Variants in FAT3 observed in about 807,000 individuals in gnomAD.
FAT3 encodes FAT atypical cadherin 3.
Under a neutral mutation model 310.2 loss-of-function variants are expected in FAT3, and 95 were observed. The ratio of observed to expected loss-of-function variants is 0.31; its 90% confidence interval spans 0.26 to 0.36. The LOEUF (loss-of-function observed/expected upper bound fraction) is 0.36, where lower values mean the gene tolerates loss of function less well. Ranked by LOEUF, FAT3 falls within the 10% of genes least tolerant of loss-of-function variation. FAT3 has a pLI of 1.00. For synonymous variants in FAT3, 2,314 were observed against 2,192.9 expected (o/e 1.06, Z -1.54); for missense variants, 5,408 against 5,715.6 (o/e 0.95, Z 1.74).
intron 1 of FAT3, among the ~76,000 whole-genome samples, chr11:92,340,506 A>C (rs1022731092): frequency 6.6e-6 from 1 of 152,148 alleles, no homozygotes; most frequent in African/African-American, 2.4e-5. Context: ...AACCGTCTGC[A>C]TTGGATTGCT....
intron 1 of FAT3, among the ~76,000 whole-genome samples, chr11:92,325,145 A>G (rs954157132): frequency 7.2e-5 from 11 of 152,214 alleles, no homozygotes; most frequent in Admixed American, 6.5e-5. Context: ...GAAGTCATTA[A>G]GGTACAATTA....
At chr11:92,471,897 G>T (rs1374553062) in intron 2 of FAT3, among the ~76,000 whole-genome samples, 2 of 136,098 alleles carry the variant, frequency 1.5e-5, no homozygotes, top group East Asian at 4.5e-4. Context: ...GTCTTCAAAA[G>T]ACCCTACTTT....
chr11:92,571,365 G>T (rs1955659007), intron 3 of FAT3, among the ~76,000 whole-genome samples: 1 of 152,126 alleles, frequency 6.6e-6, no homozygotes, highest in South Asian at 2.1e-4. Context: ...GGCAAAGGAT[G>T]CCTGCTGGCC....
chr11:92,661,463 C>A (rs1942779116), intron 3 of FAT3, among the ~76,000 whole-genome samples: 1 of 152,146 alleles, frequency 6.6e-6, no homozygotes. Context: ...CCAAGATCCA[C>A]ATCCTGCCTC....
chr11:92,706,906 G>C (rs1345195282), intron 4 of FAT3, among the ~76,000 whole-genome samples: 1 of 152,188 alleles, frequency 6.6e-6, no homozygotes, highest in Non-Finnish European at 1.5e-5. Context: ...TGTCCGCACA[G>C]GCATTTCTAT....
At chr11:92,389,457 G>T (rs1310067176) in intron 2 of FAT3, among the ~76,000 whole-genome samples, 29 of 152,110 alleles carry the variant, frequency 1.9e-4, no homozygotes, top group Admixed American at 1.9e-3. Context: ...CTTGTTTAAA[G>T]GTAAGAAAAT....
intron 1 of FAT3, among the ~76,000 whole-genome samples, chr11:92,261,543 A>G (rs1865554325): frequency 6.6e-6 from 1 of 152,116 alleles, no homozygotes; most frequent in Admixed American, 6.6e-5. Flanking sequence ...TTTCTTATAT[A>G]TAGAATTTCT....
chr11:92,718,077 C>T (rs975047022), intron 4 of FAT3, among the ~76,000 whole-genome samples: 5 of 152,038 alleles, frequency 3.3e-5, no homozygotes, highest in African/African-American at 1.2e-4. Flanking sequence ...GAAGTGATGC[C>T]GAACTTTCAG....
intron 3 of FAT3, among the ~76,000 whole-genome samples, chr11:92,526,368 A>G (rs1244734649): frequency 6.6e-6 from 1 of 152,174 alleles, no homozygotes; most frequent in Admixed American, 6.5e-5. Context: ...ACAATGTCAC[A>G]GTAAAGAAGT....
chr11:92,498,756 T>A (rs1952840979), intron 2 of FAT3: 1 of 152,520 alleles, frequency 6.6e-6, no homozygotes. Flanking sequence ...CTTGAAGCCA[T>A]CAGATACAAA....
chr11:92,554,233 C>T (rs909290183), intron 3 of FAT3, among the ~76,000 whole-genome samples: 4 of 147,290 alleles, frequency 2.7e-5, no homozygotes, highest in Admixed American at 6.7e-5. Context: ...GAGGCCGAGG[C>T]GGGCAGATCA....
In FAT3 at chr11:92,226,797, A is replaced by G. The variant is rs533536292; in HGVS notation, c.-18+1623A>G. Among the ~76,000 whole-genome samples, 441 of 152,148 alleles carry G rather than the reference A, an allele frequency of 2.9e-3. 1 individual carries two copies. The highest frequency in any genetic ancestry group is 1.9e-3 in the Non-Finnish European group (130 of 67,974). ...CCATCCCGCCGCCGCCGCGCGCCCA[A>G]TGGGACTCAGCTTCGGGTTTGGGCG... On this transcript the variant is annotated intron_variant, in intron 1 of 27. Coordinates refer to ENST00000525166, the MANE Select transcript of FAT3 (RefSeq NM_001367949.2).
intron 2 of FAT3, among the ~76,000 whole-genome samples, chr11:92,451,747 A>G (rs766595351): frequency 1.8e-4 from 28 of 152,324 alleles, no homozygotes; most frequent in Non-Finnish European, 2.6e-4. Context: ...AGTGGGGACA[A>G]GATCTGAAAA....
intron 1 of FAT3, among the ~76,000 whole-genome samples, chr11:92,252,303 G>A (rs1245664112): frequency 2.6e-5 from 4 of 152,150 alleles, no homozygotes; most frequent in Non-Finnish European, 4.4e-5. Flanking sequence ...TTTCTATTAA[G>A]TTGTGTGTCT....
chr11:92,576,156 T>C (rs1359322262), intron 3 of FAT3, among the ~76,000 whole-genome samples: 3 of 152,170 alleles, frequency 2.0e-5, no homozygotes, highest in African/African-American at 4.8e-5. Context: ...TTCAGGTCCA[T>C]AAAGGCTAAA....
chr11:92,861,029 A>C (rs1227242823), intron 21 of FAT3, among the ~76,000 whole-genome samples: 1 of 152,256 alleles, frequency 6.6e-6, no homozygotes, highest in African/African-American at 2.4e-5. Context: ...TTCAAATCAG[A>C]TATTCATGGT....
chr11:92,287,054 A>G (rs1302871559), intron 1 of FAT3, among the ~76,000 whole-genome samples: 1 of 152,208 alleles, frequency 6.6e-6, no homozygotes, highest in Non-Finnish European at 1.5e-5. Context: ...CACTTTAAAC[A>G]GTAGATTCTT....
At chr11:92,811,177 T>A (rs553829475) in intron 13 of FAT3, among the ~76,000 whole-genome samples, 1 of 152,342 alleles carries the variant, frequency 6.6e-6, no homozygotes, top group African/African-American at 2.4e-5. Context: ...GAAAGACCTC[T>A]TATTGATATA....
Position 92,335,768 on chromosome 11 carries a change from A to G in FAT3, c.-17-16328A>G, listed in dbSNP as rs556869714. ...GGGGACACTGTGTGTCACATCAATT[A>G]TGAACATGTTATAAAAGGAAATTGA... On this transcript the variant is annotated intron_variant, in intron 1 of 27. Transcript: ENST00000525166. Among the ~76,000 whole-genome samples the G allele has an allele frequency of 2.6e-5, 4 of 152,298 alleles. No individual in the cohort carries two copies. In the South Asian group the frequency reaches 8.3e-4, roughly 32 times the overall value.
Sources: allele counts gnomAD v4.1 joint callset (sites outside exome capture counted in the v4.1 genomes callset), GRCh38; gene constraint gnomAD v4.1.1; transcripts MANE v1.5; gene names NCBI Gene and HGNC (gene_info 2026-07-23, HGNC 2026-07-21).